The following TAFA2 variants were observed in gnomAD, a reference collection of about 807,000 sequenced individuals.
The protein encoded by TAFA2 is chemokine-like protein TAFA-2.
Under a neutral mutation model 18.8 loss-of-function variants are expected in TAFA2, and 7 were observed. The ratio of observed to expected loss-of-function variants is 0.37; its 90% CI spans 0.21 to 0.70. The LOEUF (loss-of-function observed/expected upper bound fraction) is 0.70, where lower values mean the gene tolerates loss of function less well. Ranked by LOEUF, TAFA2 falls within the 30% of genes least tolerant of loss-of-function variation. TAFA2 has a pLI of 0.53. For missense variants in TAFA2, 122 were observed against 158.1 expected, an observed-to-expected ratio of 0.77 and a Z score of 1.23; for synonymous variants, 60 against 54.2, an observed-to-expected ratio of 1.11 and a Z score of -0.47.
intron 1 of TAFA2, among the ~76,000 whole-genome samples, chr12:61,907,752 G>A (rs185375893): frequency 5.8e-4 from 88 of 151,712 alleles, no homozygotes; most frequent in African/African-American, 1.6e-3. Context: ...AGGCAGGAGC[G>A]GGGGATGTAC....
intron 1 of TAFA2, among the ~76,000 whole-genome samples, chr12:62,223,126 G>A (rs1273025553): frequency 6.6e-6 from 1 of 151,932 alleles, no homozygotes; most frequent in Non-Finnish European, 1.5e-5. Context: ...TTTTAATTAG[G>A]CAAGCTGATT....
chr12:61,904,581 C>T (rs1876258025), intron 1 of TAFA2, among the ~76,000 whole-genome samples: 1 of 152,082 alleles, frequency 6.6e-6, no homozygotes, highest in African/African-American at 2.4e-5. Context: ...GGGAATAATA[C>T]TACTAATCCC....
chr12:61,836,733 A>ATG, intron 2 of TAFA2, among the ~76,000 whole-genome samples: 1 of 20,002 alleles, frequency 5.0e-5, no homozygotes, highest in African/African-American at 2.1e-4. Context: ...TGCCAATTTG[A>ATG]TATATATATA....
chr12:61,974,590 A>C (rs1001715890), intron 1 of TAFA2, among the ~76,000 whole-genome samples: 1 of 151,854 alleles, frequency 6.6e-6, no homozygotes. Flanking sequence ...ATGTGCTGTC[A>C]GATGGGAAGA....
At chr12:62,021,321 T>C (rs1881128606) in intron 1 of TAFA2, among the ~76,000 whole-genome samples, 1 of 152,142 alleles carries the variant, frequency 6.6e-6, no homozygotes, top group Non-Finnish European at 1.5e-5. Flanking sequence ...GAACAGATCG[T>C]GTTTGGTTAC....
At chr12:61,832,055 TC>T (rs1245170742) in intron 2 of TAFA2, among the ~76,000 whole-genome samples, 1 of 152,094 alleles carries the variant, frequency 6.6e-6, no homozygotes, top group East Asian at 1.9e-4. Context: ...AATGAAATCT[TC>T]CTTCACGCTT....
At chr12:61,795,095 G>C (rs1369718849) in intron 2 of TAFA2, among the ~76,000 whole-genome samples, 2 of 152,166 alleles carry the variant, frequency 1.3e-5, no homozygotes, top group East Asian at 3.9e-4. Flanking sequence ...TGCTGGAGAG[G>C]ATGTGGAGAA....
chr12:61,926,573 T>A (rs569434067), intron 1 of TAFA2, among the ~76,000 whole-genome samples: 1 of 152,296 alleles, frequency 6.6e-6, no homozygotes, highest in Admixed American at 6.5e-5. Flanking sequence ...ATCCATTACA[T>A]AAATTGAACC....
chr12:62,012,513 A>G (rs1196940635), intron 1 of TAFA2, among the ~76,000 whole-genome samples: 2 of 151,824 alleles, frequency 1.3e-5, no homozygotes, highest in Non-Finnish European at 2.9e-5. Flanking sequence ...TCCTATTTTT[A>G]TAAGCACCTT....
At chr12:61,981,480 G>A (rs1434973328) in intron 1 of TAFA2, among the ~76,000 whole-genome samples, 1 of 152,176 alleles carries the variant, frequency 6.6e-6, no homozygotes, top group Non-Finnish European at 1.5e-5. Context: ...AAACTAAAGA[G>A]CTTCTGCATG....
intron 1 of TAFA2, among the ~76,000 whole-genome samples, chr12:61,993,956 C>A (rs1320222918): frequency 6.6e-6 from 1 of 152,090 alleles, no homozygotes; most frequent in Non-Finnish European, 1.5e-5. Flanking sequence ...TAGATGAAAG[C>A]TAGACTTCTC....
chr12:61,887,507 A>G (rs1875436442), intron 1 of TAFA2, among the ~76,000 whole-genome samples: 1 of 151,306 alleles, frequency 6.6e-6, no homozygotes. Context: ...ATACGTATAC[A>G]TGTGCCATGC....
chr12:62,223,009 C>T (rs2062770491), intron 1 of TAFA2, among the ~76,000 whole-genome samples: 1 of 151,632 alleles, frequency 6.6e-6, no homozygotes, highest in Non-Finnish European at 1.5e-5. Context: ...TATTAAAGGA[C>T]AAAAAAGAAG....
chr12:61,914,949 G>T (rs1592483028), intron 1 of TAFA2, among the ~76,000 whole-genome samples: 1 of 152,170 alleles, frequency 6.6e-6, no homozygotes. Flanking sequence ...GATAACCTGA[G>T]GTCAGGAGTT....
intron 1 of TAFA2, among the ~76,000 whole-genome samples, chr12:62,014,938 C>A (rs1446336017): frequency 6.6e-6 from 1 of 152,126 alleles, no homozygotes; most frequent in Non-Finnish European, 1.5e-5. Context: ...GTGGCAAATT[C>A]TTCTATTAGC....
intron 2 of TAFA2, among the ~76,000 whole-genome samples, chr12:61,800,634 A>AC (rs1871364618): frequency 6.6e-6 from 1 of 152,168 alleles, no homozygotes; most frequent in Admixed American, 6.5e-5. Context: ...AATTTTAGCA[A>AC]AAAAGGAGCA....
At chr12:62,184,884 G>T (rs1362147304) in intron 1 of TAFA2, among the ~76,000 whole-genome samples, 10 of 152,186 alleles carry the variant, frequency 6.6e-5, no homozygotes, top group South Asian at 2.1e-4. Flanking sequence ...AAATAAAGTG[G>T]TTTTTTCATG....
intron 1 of TAFA2, among the ~76,000 whole-genome samples, chr12:62,209,131 T>C (rs2062703720): frequency 6.6e-6 from 1 of 152,236 alleles, no homozygotes; most frequent in African/African-American, 2.4e-5. Flanking sequence ...CACATGCTGA[T>C]ACAGTTAGGC....
At chr12:61,818,339 T>C (rs1003556775) in intron 2 of TAFA2, among the ~76,000 whole-genome samples, 4 of 152,126 alleles carry the variant, frequency 2.6e-5, no homozygotes, top group Non-Finnish European at 4.4e-5. Flanking sequence ...AATTATTTGC[T>C]TGGGATAAGT....
Sources: gnomAD v4.1 joint callset for allele counts (sites outside exome capture counted in the v4.1 genomes callset) on GRCh38, gnomAD v4.1.1 for gene constraint, MANE v1.5 for transcripts, NCBI Gene and HGNC (gene_info 2026-07-23, HGNC 2026-07-21) for gene names.